The following PCBP3 variants were observed in gnomAD, a reference collection of about 807,000 sequenced individuals.
PCBP3 encodes poly(rC) binding protein 3, also known as poly(rC)-binding protein 3.
PCBP3 carries 25 observed loss-of-function variants against 52.7 expected under a neutral mutation model. The ratio of observed to expected loss-of-function variants is 0.47; its 90% confidence interval spans 0.35 to 0.66. The LOEUF is 0.66. PCBP3 is among the 30% of genes least tolerant of loss of function. PCBP3 has a pLI of 0.01. For missense variants in PCBP3, 391 were observed against 490.3 expected (o/e 0.80, Z 1.91); for synonymous variants, 162 against 183.0 (o/e 0.89, Z 0.93).
intron 13 of PCBP3, chr21:45,918,621 G>A (rs529562360): frequency 5.3e-5 from 8 of 149,778 alleles, no homozygotes; most frequent in Admixed American, 2.7e-4. Flanking sequence ...ATAAACCGTC[G>A]GTGTAATTCC....
At chr21:45,673,621 T>G (rs2081300134) in intron 2 of PCBP3, 1 of 152,154 alleles carries the variant, frequency 6.6e-6, no homozygotes, top group Non-Finnish European at 1.5e-5. Context: ...GGCCTGAGCT[T>G]CTCCTGGGGC....
rs1349129407 is a variant in PCBP3, at chr21:45,896,312, G to A, written c.115G>A (p.Glu39Lys). ...CAGAAGGATGGAGTCCAAGGTCTCA[G>A]AAGGTGGCCTGAATGTGACCCTCAC... The part of the protein sequence containing the change: ...FGRRMESKVS[E>K]GGLNVTLTIR... Residue 39 changes from glutamate (E) to lysine (K), a missense_variant, in exon 6 of 18, where the codon GAA becomes AAA. Physicochemically the swap from Glu to Lys is moderately conservative, Grantham distance 56. Transcript: ENST00000681687. 3 of 1,552,060 alleles carry A rather than the reference G, an allele frequency of 1.9e-6. No individual in the cohort carries two copies. Among genetic ancestry groups the A allele is most frequent in the African/African-American group, 2.7e-5 (2 of 73,080 alleles).
chr21:45,784,396 C>CTCT (rs2090907315), intron 4 of PCBP3, among the ~76,000 whole-genome samples: 6 of 113,604 alleles, frequency 5.3e-5, no homozygotes, highest in African/African-American at 1.9e-4. Flanking sequence ...CTACCTCTAC[C>CTCT]GCTACCTCTA....
chr21:45,911,218 C>T (rs1198582857), intron 11 of PCBP3, 188 bp downstream of exon 11: 3 of 688,820 alleles, frequency 4.4e-6, no homozygotes, highest in Non-Finnish European at 7.8e-6. Context: ...GCTGGGGCTG[C>T]CAGCTCAGGG....
intron 2 of PCBP3, among the ~76,000 whole-genome samples, chr21:45,707,303 G>A (rs2083512327): frequency 6.6e-6 from 1 of 152,032 alleles, no homozygotes. Context: ...ATCACCTGAG[G>A]TCAGGAGTTC....
rs543211352 is a variant in PCBP3, at chr21:45,716,146, A to G, written c.-199-19246A>G. ...TCATTTTGAATTAATTTTCGTATAT[A>G]GTATGAAATAGGGTTCCAGATTCAT... On this transcript the variant is annotated intron_variant, in intron 2 of 17. Transcript: ENST00000681687. Among the ~76,000 whole-genome samples, 12 of 152,286 alleles carry G rather than the reference A, an allele frequency of 7.9e-5. No individual in the cohort carries two copies. In the South Asian group the frequency reaches 2.5e-3, roughly 32 times the overall value.
intron 4 of PCBP3, among the ~76,000 whole-genome samples, chr21:45,766,450 C>T (rs2089333316): frequency 6.6e-6 from 1 of 152,166 alleles, no homozygotes; most frequent in South Asian, 2.1e-4. Context: ...CTCTCTGCAC[C>T]CATGTGAGGA....
chr21:45,659,870 G>T (rs1018380712), intron 1 of PCBP3, among the ~76,000 whole-genome samples: 1 of 152,022 alleles, frequency 6.6e-6, no homozygotes, highest in Non-Finnish European at 1.5e-5. Flanking sequence ...CTAACACCTG[G>T]TCTGTTCTAG....
chr21:45,755,445 A>G lies in PCBP3; in HGVS notation c.-133A>G, dbSNP rs2087939078. Among the ~76,000 whole-genome samples the G allele has an allele frequency of 6.6e-6, 1 of 152,164 alleles. No individual in the cohort carries two copies. The highest frequency in any genetic ancestry group is 2.4e-5 in the African/African-American group (1 of 41,432). ...AATACCTAGGAGTGGGCTTTTCTAG[A>G]TCACATGGTAAGTGTGTGTTTAATT... is the stretch of plus-strand genomic sequence containing the variant. On this transcript the variant is annotated 5_prime_UTR_variant, in exon 4 of 18. Transcript: ENST00000681687.
At chr21:45,793,466 T>C (rs2091740629) in intron 4 of PCBP3, among the ~76,000 whole-genome samples, 1 of 152,046 alleles carries the variant, frequency 6.6e-6, no homozygotes, top group Non-Finnish European at 1.5e-5. Flanking sequence ...AGAAGCTCCA[T>C]ATTCTGTTTA....
rs2085857865 is a variant in PCBP3, at chr21:45,736,177, T to G, written c.-162+748T>G. On this transcript the variant is annotated intron_variant, in intron 3 of 17. Coordinates refer to ENST00000681687, the MANE Select transcript of PCBP3 (RefSeq NM_001384156.1). The surrounding 1 kb of genome is among the most constrained non-coding windows in gnomAD (Gnocchi z 4.6). ...ATGAAGTAGTACCAGCCAGCCTGAT[T>G]TCATAACTTCCATAGAATCACTCCC... Among the ~76,000 whole-genome samples, 1 of 152,228 alleles carries G rather than the reference T, an allele frequency of 6.6e-6. No homozygotes were observed. The highest frequency in any genetic ancestry group is 1.5e-5 in the Non-Finnish European group (1 of 68,040).
intron 4 of PCBP3, among the ~76,000 whole-genome samples, chr21:45,807,488 G>A (rs182463897): frequency 1.0e-3 from 153 of 152,220 alleles, no homozygotes; most frequent in Admixed American, 4.3e-3. Context: ...GGAAGTGAAG[G>A]ACCTCTTCAA....
chr21:45,908,792 A>G lies in PCBP3; in HGVS notation c.340-563A>G, dbSNP rs115637885. Reference sequence around the variant, plus strand: ...GCTCTGTCTCCTGGGTGTCAGGACCATGAGCCAAACCAGGCTGCCCAGGAG... The same window carrying G: ...GCTCTGTCTCCTGGGTGTCAGGACCGTGAGCCAAACCAGGCTGCCCAGGAG... On this transcript the variant is annotated intron_variant, in intron 9 of 17. Coordinates refer to ENST00000681687, the MANE Select transcript of PCBP3 (RefSeq NM_001384156.1). 5.9e-3 allele frequency among the ~76,000 whole-genome samples: 894 copies of G among 152,252 alleles called. 8 individuals carry two copies. The highest frequency in any genetic ancestry group is 0.021 in the African/African-American group (854 of 41,536).
chr21:45,828,882 G>A (rs2093374410), intron 4 of PCBP3: 1 of 152,368 alleles, frequency 6.6e-6, no homozygotes, highest in African/African-American at 2.4e-5. Context: ...AGGCTCCTTT[G>A]GGGGCTGGAT....
At chr21:45,908,600 G>A (rs1322496755) in intron 9 of PCBP3, among the ~76,000 whole-genome samples, 1 of 151,620 alleles carries the variant, frequency 6.6e-6, no homozygotes, top group African/African-American at 2.4e-5. Context: ...TGCCTCTGCC[G>A]CGCTGTCCGC....
chr21:45,896,053 G>A (rs1016394936), intron 5 of PCBP3, 155 bp from the exon 6 acceptor site: 1 of 671,284 alleles, frequency 1.5e-6, no homozygotes, highest in African/African-American at 1.8e-5. Context: ...CGTGCACCCT[G>A]TGCCCAGCAG....
intron 3 of PCBP3, among the ~76,000 whole-genome samples, chr21:45,747,459 G>A (rs2146229911): frequency 6.6e-6 from 1 of 152,342 alleles, no homozygotes; most frequent in Non-Finnish European, 1.5e-5. Flanking sequence ...CCTGGACTCT[G>A]GCCAGCACAA....
At chr21:45,925,644 G>T (rs559640847) in intron 13 of PCBP3, among the ~76,000 whole-genome samples, 30 of 151,984 alleles carry the variant, frequency 2.0e-4, no homozygotes, top group Non-Finnish European at 4.0e-4. Flanking sequence ...ATGGGAAAAG[G>T]CTAAGGAATA....
intron 4 of PCBP3, among the ~76,000 whole-genome samples, chr21:45,836,959 C>T (rs539778859): frequency 3.9e-4 from 60 of 152,218 alleles, no homozygotes; most frequent in South Asian, 1.0e-3. Flanking sequence ...CAGGGTCATG[C>T]GGCTCGCTTG....
Sources: gnomAD v4.1 joint callset for allele counts (sites outside exome capture counted in the v4.1 genomes callset) on GRCh38, gnomAD v4.1.1 for gene constraint, Gnocchi (gnomAD v3.1) non-coding constraint, MANE v1.5 for transcripts, NCBI Gene and HGNC (gene_info 2026-07-23, HGNC 2026-07-21) for gene names.